Variants in PTCD3 observed in about 807,000 individuals in gnomAD.
The protein encoded by PTCD3 is pentatricopeptide repeat domain 3, also known as small ribosomal subunit protein mS39.
PTCD3 carries 89 observed loss-of-function variants against 101.9 expected under a neutral mutation model. That is an observed-to-expected ratio of 0.87 (90% CI 0.74 to 1.04). PTCD3 has a LOEUF of 1.04. Ranked by LOEUF, PTCD3 falls within the 50% of genes least tolerant of loss-of-function variation. PTCD3 has a pLI of 0.00. For missense variants in PTCD3, 870 were observed against 828.2 expected (o/e 1.05, Z -0.62); for synonymous variants, 296 against 278.5 (o/e 1.06, Z -0.63).
At chr2:86,131,927 G>A (rs1330847559) in intron 16 of PTCD3, among the ~76,000 whole-genome samples, 5 of 152,326 alleles carry the variant, frequency 3.3e-5, no homozygotes, top group Admixed American at 2.6e-4. Flanking sequence ...TGTATATCCA[G>A]GCATACTTTC....
intron 20 of PTCD3, 95 bp downstream of exon 20, chr2:86,134,472 G>T (rs1157729561): frequency 9.7e-7 from 1 of 1,027,832 alleles, no homozygotes; most frequent in East Asian, 2.4e-5. Flanking sequence ...GGAGAGTTCT[G>T]CTACCCAAAC....
At chr2:86,133,105 AT>A (rs1674522065) in intron 17 of PTCD3, 72 bp from the exon 18 acceptor site, 10 of 1,546,388 alleles carry the variant, frequency 6.5e-6, no homozygotes, top group Non-Finnish European at 8.7e-6. Context: ...ATATGCTATA[AT>A]TTCAACCCTT....
chr2:86,131,317 T>G (rs187480346), intron 16 of PTCD3, among the ~76,000 whole-genome samples: 4 of 152,224 alleles, frequency 2.6e-5, no homozygotes, highest in Admixed American at 2.6e-4. Context: ...CACCGCAACC[T>G]CTGCCTCCTG....
rs200261667 is a variant in PTCD3, at chr2:86,121,533, A to G, written c.593A>G (p.Tyr198Cys). ...AGTCTCTTGGATTTATTGTGTTACT[A>G]TGGTGACCAGGAGCCCTCAACTGAT... Reference protein sequence around the residue: ...TNSLLDLLCYYGDQEPSTDYH... With the variant: ...TNSLLDLLCYCGDQEPSTDYH... The change falls in exon 8 of 24, where the codon TAT (tyrosine) becomes TGT (cysteine). Residue 198 changes from tyrosine (Y) to cysteine (C), a missense_variant. Coordinates refer to ENST00000254630, the MANE Select transcript of PTCD3 (RefSeq NM_017952.6). 105 of 1,611,730 alleles carry G rather than the reference A, an allele frequency of 6.5e-5. No individual in the cohort carries two copies. The highest frequency in any genetic ancestry group is 3.3e-4 in the Middle Eastern group (2 of 6,076).
At chr2:86,121,679 C>T (rs1674284916) in intron 8 of PTCD3, 85 bp downstream of exon 8, 2 of 823,646 alleles carry the variant, frequency 2.4e-6, no homozygotes, top group African/African-American at 3.5e-5. Flanking sequence ...GGTTGTTTTG[C>T]CATGTGTCAG....
At chr2:86,129,951 A>G (rs538430096) in intron 14 of PTCD3, among the ~76,000 whole-genome samples, 1 of 152,180 alleles carries the variant, frequency 6.6e-6, no homozygotes, top group East Asian at 1.9e-4. Flanking sequence ...ATTCTAGTTT[A>G]CTTTTTCTTG....
At chr2:86,122,291 T>C (rs1674297244) in intron 8 of PTCD3, among the ~76,000 whole-genome samples, 1 of 152,244 alleles carries the variant, frequency 6.6e-6, no homozygotes, top group African/African-American at 2.4e-5. Flanking sequence ...ATTCCATTTT[T>C]GTAAAAATGT....
intron 1 of PTCD3, among the ~76,000 whole-genome samples, chr2:86,107,560 G>A (rs189352686): frequency 6.6e-6 from 1 of 152,302 alleles, no homozygotes; most frequent in East Asian, 1.9e-4. Context: ...TGTTTTTAGT[G>A]TGATCAGAAC....
chr2:86,125,284 T>C (rs1472390540), intron 10 of PTCD3, among the ~76,000 whole-genome samples, 171 bp from the exon 11 acceptor site: 8 of 152,152 alleles, frequency 5.3e-5, no homozygotes, highest in African/African-American at 1.4e-4. Context: ...AATAAAAATA[T>C]GTTTAGGCAT....
intron 1 of PTCD3, among the ~76,000 whole-genome samples, chr2:86,108,002 T>C (rs1673995674): frequency 1.3e-5 from 2 of 152,198 alleles, no homozygotes; most frequent in South Asian, 2.1e-4. Context: ...GGCATATGCC[T>C]GTAGTCCTAG....
intron 12 of PTCD3, among the ~76,000 whole-genome samples, chr2:86,126,333 T>G (rs957372917): frequency 3.3e-5 from 5 of 152,112 alleles, no homozygotes; most frequent in Non-Finnish European, 7.4e-5. Flanking sequence ...TTCACTACCC[T>G]TTCCGCAGCC....
Position 86,140,522 on chromosome 2 carries a change from G to A in PTCD3, c.*2963G>A, listed in dbSNP as rs1176876748. The A allele has an allele frequency of 1.3e-5, 2 of 152,130 alleles. No homozygotes were observed. The highest frequency in any genetic ancestry group is 2.1e-4 in the South Asian group (1 of 4,836). The allele number at this position is 152,130 out of a possible 1,614,324, so 9.4% of individuals were successfully genotyped here. On this transcript the variant is annotated 3_prime_UTR_variant, in exon 24 of 24. Coordinates refer to ENST00000254630, the MANE Select transcript of PTCD3 (RefSeq NM_017952.6). ...ATATATGCATTAAGTGTAGCAAATC[G>A]TGATGTAAATTTTTTACTGCTGGTC...
At chr2:86,106,453 A>C in intron 1 of PTCD3, 102 bp downstream of exon 1, 10 of 1,242,670 alleles carry the variant, frequency 8.0e-6, no homozygotes, top group East Asian at 2.4e-5. Flanking sequence ...TGGTTTGCTC[A>C]TGCGCGCCCT....
intron 10 of PTCD3, 39 bp from the exon 11 acceptor site, chr2:86,125,416 G>A (rs753157077): frequency 1.3e-6 from 2 of 1,579,152 alleles, no homozygotes; most frequent in South Asian, 2.2e-5. Context: ...GACTTCTTAA[G>A]TAAATGAATT....
chr2:86,118,952 TC>T lies in PTCD3; in HGVS notation c.447del (p.Asp151ThrfsTer2). ...CLMPEYFEPQIKDISEAALKE... is the reference protein window; with the variant it reads ...CLMPEYFEPQXKDISEAALKE... Reference sequence around the variant, plus strand: ...ATGCCTGAGTACTTTGAACCTCAGATCAAAGACATAAGTGAAGCCGCCCTGA... The same window carrying T: ...ATGCCTGAGTACTTTGAACCTCAGATAAAGACATAAGTGAAGCCGCCCTGA... On this transcript the variant is annotated frameshift_variant, in exon 7 of 24. Transcript: ENST00000254630. LOFTEE classifies it high-confidence loss of function. 1 of 1,613,812 alleles carries T rather than the reference TC, an allele frequency of 6.2e-7. No individual in the cohort carries two copies. The highest frequency in any genetic ancestry group is 8.5e-7 in the Non-Finnish European group (1 of 1,179,910).
rs994189878 is a variant in PTCD3, at chr2:86,139,883, G to A, written c.*2324G>A. 6.6e-6 allele frequency: 1 copy of A among 152,160 alleles called. No individual in the cohort carries two copies. Among genetic ancestry groups the A allele is most frequent in the African/African-American group, 2.4e-5 (1 of 41,426 alleles). The allele number at this position is 152,160 out of a possible 1,614,324, so 9.4% of individuals were successfully genotyped here. ...GTCTTACTATATGTGGAATAAACTTGCTCAGTGTTGCCACAGAGTTACATT... is the reference window on the plus strand; with the variant it reads ...GTCTTACTATATGTGGAATAAACTTACTCAGTGTTGCCACAGAGTTACATT... On this transcript the variant is annotated 3_prime_UTR_variant, in exon 24 of 24. Transcript: ENST00000254630.
chr2:86,114,147 T>C (rs778424043), intron 4 of PTCD3, among the ~76,000 whole-genome samples: 11 of 152,254 alleles, frequency 7.2e-5, no homozygotes, highest in Non-Finnish European at 1.5e-4. Flanking sequence ...AACAATATTT[T>C]GTGCCCTTAT....
Position 86,128,005 on chromosome 2 carries a change from T to A in PTCD3, c.1147+14T>A, listed in dbSNP as rs754844532. 31 of 1,575,280 alleles carry A rather than the reference T, an allele frequency of 2.0e-5. No individual in the cohort carries two copies. In the African/African-American group the frequency reaches 3.8e-4, roughly 19 times the overall value. ...TTGATCAACCTGGTATGTATGGCCT[T>A]AAATTGTGTTAATTTATATAGAAAA... is the stretch of plus-strand genomic sequence containing the variant. On this transcript the variant is annotated intron_variant, in intron 14 of 23. Transcript: ENST00000254630.
intron 13 of PTCD3, 86 bp from the exon 14 acceptor site, chr2:86,127,855 A>C: frequency 9.5e-7 from 1 of 1,048,784 alleles, no homozygotes. Flanking sequence ...ATATGTTTTT[A>C]ATTCAGTGTG....
Sources: gnomAD v4.1 joint callset for allele counts (sites outside exome capture counted in the v4.1 genomes callset) on GRCh38, gnomAD v4.1.1 for gene constraint, MANE v1.5 for transcripts, NCBI Gene and HGNC (gene_info 2026-07-23, HGNC 2026-07-21) for gene names.